Variants in KHDRBS3 observed in about 807,000 individuals in gnomAD.
KHDRBS3 encodes KH RNA binding domain containing, signal transduction associated 3.
Under a neutral mutation model 45.6 loss-of-function variants are expected in KHDRBS3, and 23 were observed. The ratio of observed to expected loss-of-function variants is 0.50; its 90% confidence interval spans 0.36 to 0.72. KHDRBS3 has a LOEUF of 0.72. KHDRBS3 is among the 30% of genes least tolerant of loss of function. The probability of loss-of-function intolerance (pLI) is 0.00; values close to 1 mark genes in which losing one functional copy is unlikely to be tolerated. For synonymous variants in KHDRBS3, 162 were observed against 156.5 expected, an observed-to-expected ratio of 1.04 and a Z score of -0.26; for missense variants, 352 against 424.8, an observed-to-expected ratio of 0.83 and a Z score of 1.51.
At chr8:135,635,375 T>G (rs1480383575) in intron 7 of KHDRBS3, among the ~76,000 whole-genome samples, 4 of 151,528 alleles carry the variant, frequency 2.6e-5, no homozygotes, top group African/African-American at 9.7e-5. Context: ...GTAGTAGTGT[T>G]TGTTTGTTTG....
At chr8:135,509,252 G>C (rs1824156892) in intron 1 of KHDRBS3, among the ~76,000 whole-genome samples, 1 of 152,088 alleles carries the variant, frequency 6.6e-6, no homozygotes, top group African/African-American at 2.4e-5. Flanking sequence ...GTTTTATTTT[G>C]TTTTGAAGCC....
chr8:135,483,154 C>T (rs1018429207), intron 1 of KHDRBS3, among the ~76,000 whole-genome samples: 25 of 152,156 alleles, frequency 1.6e-4, no homozygotes, highest in African/African-American at 6.0e-4. Context: ...AGGGTTTTCT[C>T]TATCGAATTG....
intron 2 of KHDRBS3, among the ~76,000 whole-genome samples, chr8:135,526,839 A>G (rs949033669): frequency 6.6e-6 from 1 of 152,150 alleles, no homozygotes; most frequent in Non-Finnish European, 1.5e-5. Context: ...CTCTTGAGTT[A>G]TGTATCTGAG....
At chr8:135,646,771 A>C (rs1831305832) in intron 8 of KHDRBS3, among the ~76,000 whole-genome samples, 1 of 152,218 alleles carries the variant, frequency 6.6e-6, no homozygotes, top group South Asian at 2.1e-4. Context: ...AGAACCGTTT[A>C]TCTTCCCACG....
intron 1 of KHDRBS3, among the ~76,000 whole-genome samples, chr8:135,489,296 A>G (rs1238420700): frequency 1.3e-5 from 2 of 152,182 alleles, no homozygotes; most frequent in Non-Finnish European, 2.9e-5. Context: ...GGTGCTGGAC[A>G]GATAATGTGT....
chr8:135,587,983 A>T (rs773411626), intron 6 of KHDRBS3, among the ~76,000 whole-genome samples: 1 of 152,128 alleles, frequency 6.6e-6, no homozygotes, highest in Non-Finnish European at 1.5e-5. Flanking sequence ...TCAATACGTC[A>T]CTTTTGCACT....
At chr8:135,553,180 C>G (rs1826697901) in intron 4 of KHDRBS3, among the ~76,000 whole-genome samples, 1 of 152,108 alleles carries the variant, frequency 6.6e-6, no homozygotes, top group Non-Finnish European at 1.5e-5. Flanking sequence ...GATGGCAATA[C>G]TAGGTGCATC....
intron 1 of KHDRBS3, among the ~76,000 whole-genome samples, chr8:135,478,175 G>A (rs1822389170): frequency 6.6e-6 from 1 of 152,194 alleles, no homozygotes; most frequent in Admixed American, 6.5e-5. Context: ...CTAGAAGATG[G>A]GAAGGGCAAG....
intron 1 of KHDRBS3, among the ~76,000 whole-genome samples, chr8:135,503,712 T>C (rs1187013492): frequency 6.6e-6 from 1 of 152,124 alleles, no homozygotes; most frequent in East Asian, 1.9e-4. Context: ...TAAGTTATGA[T>C]AGTAGAGTTC....
chr8:135,582,128 T>G (rs2130926397), intron 6 of KHDRBS3, 55 bp downstream of exon 6: 1 of 1,430,364 alleles, frequency 7.0e-7, no homozygotes, highest in Non-Finnish European at 9.3e-7. Context: ...TAATCCAGAC[T>G]TAGCACTGGA....
intron 1 of KHDRBS3, among the ~76,000 whole-genome samples, chr8:135,511,884 T>C (rs1270243566): frequency 2.0e-5 from 3 of 152,186 alleles, no homozygotes; most frequent in Non-Finnish European, 4.4e-5. Flanking sequence ...AAAATCAGTT[T>C]TCCAAGCATT....
intron 6 of KHDRBS3, among the ~76,000 whole-genome samples, chr8:135,603,030 A>C (rs956228567): frequency 6.6e-6 from 1 of 152,208 alleles, no homozygotes; most frequent in Non-Finnish European, 1.5e-5. Flanking sequence ...ATTTTAATGG[A>C]AACTTCTACT....
chr8:135,572,756 C>T (rs376668726), intron 5 of KHDRBS3, among the ~76,000 whole-genome samples: 8 of 152,254 alleles, frequency 5.3e-5, no homozygotes, highest in African/African-American at 1.9e-4. Context: ...AGAGTGAGAG[C>T]TGCCAACATC....
At chr8:135,625,507 A>T in intron 7 of KHDRBS3, 1 of 803,388 alleles carries the variant, frequency 1.2e-6, no homozygotes, top group Non-Finnish European at 2.2e-6. Context: ...GCCTCAGGGG[A>T]GCTGCACTGC....
intron 5 of KHDRBS3, among the ~76,000 whole-genome samples, chr8:135,573,909 T>A (rs900118424): frequency 2.0e-5 from 3 of 152,158 alleles, no homozygotes; most frequent in Admixed American, 1.3e-4. Flanking sequence ...CTTTCAAAAC[T>A]CTATGCAGAT....
At chr8:135,584,258 A>G (rs1305555236) in intron 6 of KHDRBS3, among the ~76,000 whole-genome samples, 2 of 152,246 alleles carry the variant, frequency 1.3e-5, no homozygotes, top group African/African-American at 2.4e-5. Flanking sequence ...ACTGACGGTC[A>G]TATCCGCCAG....
At chr8:135,507,726 A>G (rs1824078862) in intron 1 of KHDRBS3, among the ~76,000 whole-genome samples, 2 of 152,212 alleles carry the variant, frequency 1.3e-5, no homozygotes, top group African/African-American at 2.4e-5. Context: ...CCTAGTATGC[A>G]TAACACTCCC....
chr8:135,567,939 A>G (rs960450857), intron 5 of KHDRBS3, among the ~76,000 whole-genome samples: 2 of 152,238 alleles, frequency 1.3e-5, no homozygotes, highest in African/African-American at 4.8e-5. Context: ...CCTAAATTCA[A>G]GTGTCACCAC....
chr8:135,534,594 C>T (rs1825640956), intron 2 of KHDRBS3, among the ~76,000 whole-genome samples: 1 of 152,056 alleles, frequency 6.6e-6, no homozygotes, highest in African/African-American at 2.4e-5. Flanking sequence ...TTAGAAAAGA[C>T]CATAATGTTT....
Sources: gnomAD v4.1 joint callset for allele counts (sites outside exome capture counted in the v4.1 genomes callset) on GRCh38, gnomAD v4.1.1 for gene constraint, MANE v1.5 for transcripts, NCBI Gene and HGNC (gene_info 2026-07-23, HGNC 2026-07-21) for gene names.